The following ZNF529 variants were observed in gnomAD, a reference collection of about 807,000 sequenced individuals.
The protein encoded by ZNF529 is zinc finger protein 529.
A neutral mutation model predicts 10.1 loss-of-function variants in ZNF529; 11 were observed. The ratio of observed to expected loss-of-function variants is 1.09; its 90% CI spans 0.69 to 1.81. The LOEUF (loss-of-function observed/expected upper bound fraction) is 1.81, where lower values mean the gene tolerates loss of function less well. Among genes scored for constraint, ZNF529 ranks in the 40% most tolerant of loss-of-function variants. ZNF529 has a pLI of 0.00. For missense variants in ZNF529, 624 were observed against 666.8 expected, an observed-to-expected ratio of 0.94 and a Z score of 0.71; for synonymous variants, 204 against 215.7, an observed-to-expected ratio of 0.95 and a Z score of 0.47.
rs1230363855 is a variant in ZNF529 at position 36,572,317 on chromosome 19, A to C, written c.14+16T>G. 6.7e-6 allele frequency: 8 copies of C among 1,185,204 alleles called. No homozygotes were observed. The highest frequency in any genetic ancestry group is 1.4e-5 in the South Asian group (1 of 71,242). 73.4% of individuals were successfully genotyped at this position (1,185,204 alleles called of 1,614,324 possible). A position where few individuals can be genotyped will look rare whatever the true frequency, so the allele number is the denominator to read the frequency against. ...AAACCAAGGGACCAGGTAAATGAACAAAAAAAAAAACTAACCTTGAGTTGG... is the reference window on the plus strand; with the variant it reads ...AAACCAAGGGACCAGGTAAATGAACCAAAAAAAAAACTAACCTTGAGTTGG... On this transcript the variant is annotated intron_variant, in intron 2 of 4. Transcript: ENST00000591340.
chr19:36,570,260 C>A (rs1471386122), intron 2 of ZNF529, among the ~76,000 whole-genome samples: 1 of 148,064 alleles, frequency 6.8e-6, no homozygotes, highest in Non-Finnish European at 1.5e-5. Flanking sequence ...ACTTGGGAGA[C>A]TGAGGTGGGA....
chr19:36,576,651 C>T (rs2912408), upstream of ZNF529, among the ~76,000 whole-genome samples: 1 of 151,848 alleles, frequency 6.6e-6, no homozygotes. Context: ...CAGGAAGCGG[C>T]GTTTGCAGTG....
chr19:36,562,786 G>C (rs1217971189), intron 2 of ZNF529, among the ~76,000 whole-genome samples: 1 of 149,816 alleles, frequency 6.7e-6, no homozygotes, highest in East Asian at 2.0e-4. Context: ...GCAGTGAGCT[G>C]AGATTGTGCC....
chr19:36,572,961 C>T (rs144554705), intron 1 of ZNF529, 179 bp downstream of exon 1: 20 of 155,622 alleles, frequency 1.3e-4, no homozygotes, highest in Admixed American at 4.4e-4. Context: ...CCCGTTCACA[C>T]TTATAGTTGG....
chr19:36,584,887 T>C (rs972112808), intron 2 of ZNF529, among the ~76,000 whole-genome samples: 1 of 152,168 alleles, frequency 6.6e-6, no homozygotes, highest in African/African-American at 2.4e-5. Context: ...CTTCCGATAG[T>C]AAAGCAATAC....
intron 2 of ZNF529, among the ~76,000 whole-genome samples, chr19:36,566,995 A>G (rs920778775): frequency 1.7e-4 from 26 of 151,868 alleles, no homozygotes; most frequent in Non-Finnish European, 3.1e-4. Flanking sequence ...CAGCCTGGGC[A>G]ACAGAGCGAG....
At chr19:36,573,299 G>A (rs938762697), upstream of ZNF529, 10 of 352,782 alleles carry the variant, frequency 2.8e-5, no homozygotes, top group Admixed American at 6.8e-5. Context: ...CCACAACACC[G>A]GAAAAGGAAG....
At chr19:36,555,968 C>T (rs1240296123) in intron 3 of ZNF529, 136 bp downstream of exon 3, 7 of 781,462 alleles carry the variant, frequency 9.0e-6, no homozygotes, top group East Asian at 8.1e-5. Flanking sequence ...AGGAGGGACA[C>T]TGTGCTGTTA....
chr19:36,568,258 C>T (rs1263203296), intron 2 of ZNF529, among the ~76,000 whole-genome samples: 6 of 152,120 alleles, frequency 3.9e-5, no homozygotes, highest in Non-Finnish European at 7.3e-5. Context: ...AATGCCCAGT[C>T]AGGAGAAAGT....
chr19:36,591,587 G>A (rs1460114295), intron 1 of ZNF529, among the ~76,000 whole-genome samples: 1 of 151,176 alleles, frequency 6.6e-6, no homozygotes, highest in African/African-American at 2.4e-5. Context: ...CGGGCGTGGT[G>A]GTGGGCGCCT....
rs2145779339 is a variant in ZNF529, at chr19:36,546,445, T to C, written c.*421A>G. 6.4e-6 allele frequency: 1 copy of C among 156,026 alleles called. No individual in the cohort carries two copies. Among genetic ancestry groups the C allele is most frequent in the South Asian group, 2.0e-4 (1 of 4,992 alleles). 9.7% of individuals were successfully genotyped at this position (156,026 alleles called of 1,614,324 possible). On this transcript the variant is annotated 3_prime_UTR_variant, in exon 5 of 5. Coordinates refer to ENST00000591340, the MANE Select transcript of ZNF529 (RefSeq NM_020951.5). ...ATGATGAGCTGTAAGACTGTAAAAA[T>C]ACATTGTATCTGACTAGGAGTGCTA...
At chr19:36,589,963 C>T (rs1036872964) in intron 1 of ZNF529, among the ~76,000 whole-genome samples, 3 of 152,096 alleles carry the variant, frequency 2.0e-5, no homozygotes, top group African/African-American at 7.2e-5. Flanking sequence ...ACCTAGAAAA[C>T]CCACAAATGT....
Position 36,554,798 on chromosome 19 carries a change from T to C in ZNF529, c.109-2A>G, listed in dbSNP as rs751848574. ...CACATCCCTGAGTGTCACCAGTTCC[T>C]GAAACAACAAACCCGTACATTACAG... On this transcript the variant is annotated splice_acceptor_variant, in intron 3 of 4. Transcript: ENST00000591340. LOFTEE classifies it high-confidence loss of function. The C allele has an allele frequency of 1.3e-6, 2 of 1,550,018 alleles. No homozygotes were observed. Among genetic ancestry groups the C allele is most frequent in the Non-Finnish European group, 1.7e-6 (2 of 1,147,176 alleles).
Position 36,548,059 on chromosome 19 carries a change from T to G in ZNF529, c.499A>C (p.Ser167Arg). The G allele has an allele frequency of 1.2e-6, 2 of 1,613,966 alleles. No homozygotes were observed. Among genetic ancestry groups the G allele is most frequent in the Non-Finnish European group, 1.7e-6 (2 of 1,179,874 alleles). ...SLTLPRRTHD[S>R]EKPYEYKEYE... ...TCCTTGTATTCATAGGGCTTCTCAC[T>G]GTCATGAGTTCTCCGAGGTAAAGTA... The change falls in exon 5 of 5, where the codon AGT becomes CGT. Residue 167 changes from serine to arginine, a missense_variant. Transcript: ENST00000591340.
chr19:36,587,641 T>C (rs1416834479), intron 2 of ZNF529, among the ~76,000 whole-genome samples: 1 of 152,162 alleles, frequency 6.6e-6, no homozygotes, highest in Non-Finnish European at 1.5e-5. Flanking sequence ...GTAAGCAAGA[T>C]GTCATATCCT....
chr19:36,602,823 G>T (rs1370024073), intron 1 of ZNF529, among the ~76,000 whole-genome samples: 1 of 151,944 alleles, frequency 6.6e-6, no homozygotes, highest in East Asian at 1.9e-4. Context: ...CCAGCTACTC[G>T]GGAGGCTGAG....
rs1055481254 is a variant in ZNF529, at chr19:36,548,342, AAT to A, written c.236-22_236-21del. 1 of 1,494,386 alleles carries A rather than the reference AAT, an allele frequency of 6.7e-7. No homozygotes were observed. Among genetic ancestry groups the A allele is most frequent in the African/African-American group, 1.4e-5 (1 of 70,566 alleles). The allele number at this position is 1,494,386 out of a possible 1,614,324, so 92.6% of individuals were successfully genotyped here. On this transcript the variant is annotated intron_variant, in intron 4 of 4. Coordinates refer to ENST00000591340, the MANE Select transcript of ZNF529 (RefSeq NM_020951.5). Reference sequence around the variant, plus strand: ...CCAAATCTGAAAGAAAGGAAAAAATAATTTTCATGTACTACAAAAATAAAACA... The same window carrying A: ...CCAAATCTGAAAGAAAGGAAAAAATATTTCATGTACTACAAAAATAAAACA...
chr19:36,594,581 A>G (rs1357716230), intron 1 of ZNF529: 2 of 152,510 alleles, frequency 1.3e-5, no homozygotes, highest in African/African-American at 4.8e-5. Context: ...GAAAACGAGC[A>G]AGCCTTCAGA....
In ZNF529 at chr19:36,555,387, G is replaced by A. The variant is rs1258348160; in HGVS notation, c.109-591C>T. ...CGGCTCACTGCAAGCTCCGCTTCCCGGGTTCACGCCATTCTCCTGCCTCAG... is the reference window on the plus strand; with the variant it reads ...CGGCTCACTGCAAGCTCCGCTTCCCAGGTTCACGCCATTCTCCTGCCTCAG... On this transcript the variant is annotated intron_variant, in intron 3 of 4. Coordinates refer to ENST00000591340, the MANE Select transcript of ZNF529 (RefSeq NM_020951.5). Among the ~76,000 whole-genome samples, 4 of 32,560 alleles carry A rather than the reference G, an allele frequency of 1.2e-4. 2 individuals are homozygous for A. The highest frequency in any genetic ancestry group is 2.3e-4 in the Non-Finnish European group (4 of 17,040). The allele number at this position is 32,560 out of a possible 152,430, so 21.4% of individuals were successfully genotyped here.
Sources: gnomAD v4.1 joint callset for allele counts (sites outside exome capture counted in the v4.1 genomes callset) on GRCh38, gnomAD v4.1.1 for gene constraint, MANE v1.5 for transcripts, NCBI Gene and HGNC (gene_info 2026-07-23, HGNC 2026-07-21) for gene names.